NADK: variants seen among roughly 807,000 people sequenced by gnomAD.
NADK encodes the protein NAD kinase.
A neutral mutation model predicts 49.8 loss-of-function variants in NADK; 22 were observed. The observed-to-expected ratio is 0.44, with a 90% CI of 0.32 to 0.63. The LOEUF (loss-of-function observed/expected upper bound fraction) is 0.63, where lower values mean the gene tolerates loss of function less well. Among genes scored for constraint, NADK ranks in the 30% least tolerant of loss-of-function variants. NADK has a pLI of 0.06. For missense variants in NADK, 438 were observed against 609.4 expected (o/e 0.72, Z 2.96); for synonymous variants, 268 against 253.7 (o/e 1.06, Z -0.54).
At chr1:1,759,820 C>A (rs1178471851) in intron 3 of NADK, 1 of 1,552,836 alleles carries the variant, frequency 6.4e-7, no homozygotes, top group Middle Eastern at 1.7e-4. Context: ...AGAACATGCA[C>A]CTGTCCGGTG....
chr1:1,773,517 G>A (rs996942987), intron 1 of NADK, among the ~76,000 whole-genome samples: 3 of 151,628 alleles, frequency 2.0e-5, no homozygotes, highest in Admixed American at 6.6e-5. Context: ...TTGGGAGGCC[G>A]AAGCAGGGGA....
chr1:1,776,242 C>A (rs1646206679), intron 1 of NADK, among the ~76,000 whole-genome samples: 1 of 152,148 alleles, frequency 6.6e-6, no homozygotes, highest in Non-Finnish European at 1.5e-5. Flanking sequence ...GCGCCACTTT[C>A]CCCCTATTTG....
intron 4 of NADK, 29 bp downstream of exon 4, chr1:1,757,152 C>CCCG: frequency 2.0e-6 from 3 of 1,482,532 alleles, no homozygotes; most frequent in Admixed American, 3.9e-5. Context: ...ATGTGCACCC[C>CCCG]AGGCCCCCTT....
At chr1:1,757,153 AG>A (rs2100296022) in intron 4 of NADK, 27 bp downstream of exon 4, 5 of 416,858 alleles carry the variant, frequency 1.2e-5, no homozygotes, top group South Asian at 8.5e-5. Context: ...TGTGCACCCC[AG>A]GCCCCCTTCC....
At position 1,754,345 on chromosome 1, in the gene NADK, G is replaced by T; in HGVS notation, c.882C>A (p.Ser294=). ...GGTAGACATCCACATTGGACAGGTA[G>T]GAGGAGGGGCCTCTGTCAATCACCA... ...NEVVIDRGPS[S]YLSNVDVYLD... The change falls in exon 9 of 12, where the codon TCC becomes TCA. Residue 294 remains serine, a synonymous_variant. Transcript: ENST00000341426. The surrounding 1 kb of genome is among the most constrained non-coding windows in gnomAD (Gnocchi z 4.3). 1 of 1,613,950 alleles carries T rather than the reference G, an allele frequency of 6.2e-7. No individual in the cohort carries two copies. The highest frequency in any genetic ancestry group is 8.5e-7 in the Non-Finnish European group (1 of 1,179,958).
intron 1 of NADK, among the ~76,000 whole-genome samples, chr1:1,776,541 C>G (rs1557868512): frequency 6.6e-6 from 1 of 151,952 alleles, no homozygotes. Context: ...TTTGGGAGGC[C>G]AAGGTGGGCT....
intron 1 of NADK, among the ~76,000 whole-genome samples, chr1:1,770,748 T>TAAC (rs899394062): frequency 2.0e-5 from 3 of 151,512 alleles, no homozygotes; most frequent in African/African-American, 4.8e-5. Flanking sequence ...ATAATAATAA[T>TAAC]AACAACAATA....
rs771570019 is a variant in NADK, at chr1:1,771,055, A to AAAATAT, written c.-40-5610_-40-5609insATATTT. 8.3e-5 allele frequency among the ~76,000 whole-genome samples: 11 copies of AAAATAT among 132,094 alleles called. 1 individual carries two copies. The highest frequency in any genetic ancestry group is 2.8e-4 in the African/African-American group (10 of 35,434). The allele number at this position is 132,094 out of a possible 152,430, so 86.7% of individuals were successfully genotyped here. On this transcript the variant is annotated intron_variant, in intron 1 of 11. Transcript: ENST00000341426. The stretch of plus-strand genomic sequence containing the variant: ...GATTTCATCTTATAAAAAAAAAAAA[A>AAAATAT]ATATATATATATATATATATACACA...
intron 2 of NADK, among the ~76,000 whole-genome samples, chr1:1,764,192 T>C (rs1286554630): frequency 6.6e-6 from 1 of 152,204 alleles, no homozygotes; most frequent in Non-Finnish European, 1.5e-5. Flanking sequence ...TAAGACAACA[T>C]GCTTTCTAAG....
Position 1,765,508 on chromosome 1 carries a change from T to G in NADK, c.-40-62A>C. 6 of 842,058 alleles carry G rather than the reference T, an allele frequency of 7.1e-6. No homozygotes were observed. In the South Asian group the frequency reaches 1.7e-4, roughly 24 times the overall value. 52.2% of individuals were successfully genotyped at this position (842,058 alleles called of 1,614,324 possible). A position where few individuals can be genotyped will look rare whatever the true frequency, so the allele number is the denominator to read the frequency against. ...ATAAATATGTATGAAACAATAATAA[T>G]TTACACATACATATGTTCCATTTCA... On this transcript the variant is annotated intron_variant, in intron 1 of 11. Transcript: ENST00000341426.
Position 1,765,446 on chromosome 1 carries a change from C to A in NADK, c.-40G>T. 2 of 1,354,480 alleles carry A rather than the reference C, an allele frequency of 1.5e-6. No individual in the cohort carries two copies. The highest frequency in any genetic ancestry group is 2.5e-5 in the East Asian group (1 of 40,080). The allele number at this position is 1,354,480 out of a possible 1,614,324, so 83.9% of individuals were successfully genotyped here. On this transcript the variant is annotated splice_region_variant and 5_prime_UTR_variant, in exon 2 of 12. Coordinates refer to ENST00000341426, the MANE Select transcript of NADK (RefSeq NM_023018.5). ...AACTTCGGTCAGAAAAACACTGATG[C>A]CTTAATTTAATAAAATAAATAATGT...
chr1:1,753,925 C>T (rs1645419320), intron 10 of NADK, 126 bp downstream of exon 10: 2 of 1,256,768 alleles, frequency 1.6e-6, no homozygotes, highest in South Asian at 1.5e-5. Flanking sequence ...ACAGGATGGC[C>T]CTAGGATGAC....
chr1:1,777,158 G>A (rs188170195), intron 1 of NADK, among the ~76,000 whole-genome samples: 14 of 152,150 alleles, frequency 9.2e-5, no homozygotes, highest in African/African-American at 2.7e-4. Context: ...GGGTACTGCG[G>A]TGGCACCTGT....
At chr1:1,759,784 G>A (rs1435697018) in intron 3 of NADK, 4 of 1,556,464 alleles carry the variant, frequency 2.6e-6, no homozygotes, top group Non-Finnish European at 3.5e-6. Flanking sequence ...GGACCACTGA[G>A]TACGCCCTGG....
intron 1 of NADK, among the ~76,000 whole-genome samples, chr1:1,771,057 T>TAC (rs1646036191): frequency 7.5e-6 from 1 of 132,932 alleles, no homozygotes. Context: ...AAAAAAAAAA[T>TAC]ATATATATAT....
chr1:1,759,895 G>A, intron 3 of NADK: 13 of 1,550,692 alleles, frequency 8.4e-6, no homozygotes, highest in Middle Eastern at 1.7e-4. Context: ...AGTGACAAAG[G>A]AGTGGCTCTG....
chr1:1,752,908 C>CCCTCCTCAT lies in NADK; in HGVS notation c.1336_1337insATGAGGAGG (p.Glu445_Gly446insAspGluGlu). 5 of 1,525,956 alleles carry CCCTCCTCAT rather than the reference C, an allele frequency of 3.3e-6. No homozygotes were observed. In the South Asian group the frequency reaches 5.8e-5, roughly 18 times the overall value. 94.5% of individuals were successfully genotyped at this position (1,525,956 alleles called of 1,614,324 possible). A position where few individuals can be genotyped will look rare whatever the true frequency, so the allele number is the denominator to read the frequency against. On this transcript the variant is annotated inframe_insertion, in exon 12 of 12. Coordinates refer to ENST00000341426, the MANE Select transcript of NADK (RefSeq NM_023018.5). ...GGGCCTGGATAGGGGCTTGACCTAGCCCTCCTCCTCCTCCTCCTCCTCCTC... is the reference window on the plus strand; with the variant it reads ...GGGCCTGGATAGGGGCTTGACCTAGCCCTCCTCATCCTCCTCCTCCTCCTCCTCCTCCTC...
chr1:1,771,055 AATATAT>A (rs112432636), intron 1 of NADK, among the ~76,000 whole-genome samples: 3 of 132,080 alleles, frequency 2.3e-5, no homozygotes, highest in African/African-American at 8.5e-5. Context: ...AAAAAAAAAA[AATATAT>A]ATATATATAT....
Position 1,765,226 on chromosome 1 carries a change from A to G in NADK, c.179+2T>C, listed in dbSNP as rs1376547566. 1 of 1,589,794 alleles carries G rather than the reference A, an allele frequency of 6.3e-7. No individual in the cohort carries two copies. Among genetic ancestry groups the G allele is most frequent in the Non-Finnish European group, 8.5e-7 (1 of 1,170,626 alleles). Reference sequence around the variant, plus strand: ...AAGAGGAACCATCCCTCCCAGTTGTACCTGAACTCCTTGGTGCTCCCCAGG... The same window carrying G: ...AAGAGGAACCATCCCTCCCAGTTGTGCCTGAACTCCTTGGTGCTCCCCAGG... On this transcript the variant is annotated splice_donor_variant, in intron 2 of 11. Transcript: ENST00000341426. LOFTEE classifies it high-confidence loss of function.
Sources: allele counts gnomAD v4.1 joint callset (sites outside exome capture counted in the v4.1 genomes callset), GRCh38; gene constraint gnomAD v4.1.1; non-coding constraint Gnocchi (gnomAD v3.1); transcripts MANE v1.5; gene names NCBI Gene and HGNC (gene_info 2026-07-23, HGNC 2026-07-21).